Variants in MARCHF10 observed in about 807,000 individuals in gnomAD.
MARCHF10 encodes probable E3 ubiquitin-protein ligase MARCHF10.
A neutral mutation model predicts 76.2 loss-of-function variants in MARCHF10; 64 were observed. That is an observed-to-expected ratio of 0.84 (90% CI 0.69 to 1.03). The LOEUF is 1.03. MARCHF10 is among the 50% of genes least tolerant of loss of function. The pLI is 0.00. For missense variants in MARCHF10, 875 were observed against 958.0 expected, an observed-to-expected ratio of 0.91 and a Z score of 1.14; for synonymous variants, 340 against 357.5, an observed-to-expected ratio of 0.95 and a Z score of 0.55.
chr17:62,724,276 G>A (rs1034175921), intron 7 of MARCHF10, among the ~76,000 whole-genome samples: 5 of 150,078 alleles, frequency 3.3e-5, no homozygotes, highest in African/African-American at 9.9e-5. Context: ...AACTACAGCC[G>A]ACCTACCGAT....
intron 7 of MARCHF10, 34 bp downstream of exon 7, chr17:62,724,904 G>A (rs201531577): frequency 2.8e-4 from 453 of 1,604,758 alleles, no homozygotes; most frequent in South Asian, 8.2e-4. Flanking sequence ...ATTACATGTC[G>A]TGGCACGTTC....
At chr17:62,717,574 C>T (rs983000829) in intron 8 of MARCHF10, among the ~76,000 whole-genome samples, 1 of 152,234 alleles carries the variant, frequency 6.6e-6, no homozygotes, top group Admixed American at 6.5e-5. Context: ...GAGGCCCCGG[C>T]AGGAGACCCG....
chr17:62,790,394 T>G (rs767281496), intron 2 of MARCHF10, among the ~76,000 whole-genome samples: 6 of 152,300 alleles, frequency 3.9e-5, no homozygotes, highest in Non-Finnish European at 7.4e-5. Flanking sequence ...CAGGCTGGTC[T>G]TGAACTCCTG....
chr17:62,744,446 CG>C lies in MARCHF10; in HGVS notation c.464del (p.Pro155ArgfsTer27). ...GTCTGCTTCTGTCCCCAGATGCTCTCGGGCTGTGCGATTCTGGGCTGACTGT... is the reference window on the plus strand; with the variant it reads ...GTCTGCTTCTGTCCCCAGATGCTCTCGGCTGTGCGATTCTGGGCTGACTGT... ...RFTVSPESHS[P>X]RASGDRSRQK... On this transcript the variant is annotated frameshift_variant, in exon 5 of 11. Transcript: ENST00000311269. LOFTEE classifies it high-confidence loss of function. The C allele has an allele frequency of 6.2e-7, 1 of 1,614,182 alleles. No homozygotes were observed. Among genetic ancestry groups the C allele is most frequent in the East Asian group, 2.2e-5 (1 of 44,872 alleles).
intron 8 of MARCHF10, among the ~76,000 whole-genome samples, chr17:62,714,800 C>T (rs1343883425): frequency 6.6e-6 from 1 of 152,046 alleles, no homozygotes; most frequent in Non-Finnish European, 1.5e-5. Flanking sequence ...GGCTGGAGTG[C>T]AATGGTGTGA....
intron 1 of MARCHF10, among the ~76,000 whole-genome samples, chr17:62,804,569 A>C (rs1568237058): frequency 6.6e-6 from 1 of 152,120 alleles, no homozygotes; most frequent in African/African-American, 2.4e-5. Context: ...CATTCATTGG[A>C]GTGACGGGGC....
At chr17:62,804,430 G>A (rs531358381) in intron 1 of MARCHF10, among the ~76,000 whole-genome samples, 4 of 152,242 alleles carry the variant, frequency 2.6e-5, no homozygotes, top group Non-Finnish European at 1.5e-5. Flanking sequence ...AGAACAAGCC[G>A]CTGAAGAGAA....
Position 62,801,659 on chromosome 17 carries a change from T to G in MARCHF10, c.77A>C (p.Asp26Ala), listed in dbSNP as rs1390180420. ...TTCTGCAATTACCTGATACTCAGAG[T>G]CCACCTTATGCTGCATGTCCCGCAG... Reference protein sequence around the residue: ...QYLRDMQHKVDSEYQACLRRQ... With the variant: ...QYLRDMQHKVASEYQACLRRQ... The change falls in exon 2 of 11, where the codon GAC (aspartate) becomes GCC (alanine). Residue 26 changes from aspartate to alanine, a missense_variant. Transcript: ENST00000311269. The G allele has an allele frequency of 6.8e-6, 11 of 1,613,876 alleles. No homozygotes were observed. The Admixed American group carries it at 1.8e-4, about 27-fold the overall frequency.
intron 10 of MARCHF10, among the ~76,000 whole-genome samples, chr17:62,702,620 C>T (rs1053360729): frequency 4.0e-5 from 6 of 151,866 alleles, no homozygotes; most frequent in African/African-American, 7.3e-5. Flanking sequence ...GAGCCGAGAT[C>T]GTGCCACTGC....
rs773122536 is a variant in MARCHF10 at position 62,801,674 on chromosome 17, A to G, written c.62T>C (p.Met21Thr). The change falls in exon 2 of 11, where the codon ATG becomes ACG. Residue 21 changes from methionine to threonine, a missense_variant. By Grantham distance (81) the Met-to-Thr change is moderately conservative. Transcript: ENST00000311269. ...ATACTCAGAGTCCACCTTATGCTGC[A>G]TGTCCCGCAGATACTGAACATCGCT... ...FFSDVQYLRD[M>T]QHKVDSEYQA... is the part of the protein sequence containing the mutation. 3 of 1,614,138 alleles carry G rather than the reference A, an allele frequency of 1.9e-6. No homozygotes were observed. Among genetic ancestry groups the G allele is most frequent in the Non-Finnish European group, 2.5e-6 (3 of 1,180,022 alleles).
rs1001696392 is a variant in MARCHF10 at position 62,711,252 on chromosome 17, G to A, written c.2307C>T (p.His769=). The change falls in exon 9 of 11, where the codon CAC becomes CAT. Residue 769 remains histidine (H), a synonymous_variant. Coordinates refer to ENST00000311269, the MANE Select transcript of MARCHF10 (RefSeq NM_152598.4). The surrounding 1 kb of genome is among the most constrained non-coding windows in gnomAD (Gnocchi z 4.4). ...TTACCCTCTCTCTTTCCACCTGGTT[G>A]TGGTTGAGCCTCATGAGTTCTGCAA... ...QRFAELMRLN[H]NQVERERLSR... 3.7e-6 allele frequency: 6 copies of A among 1,613,860 alleles called. No individual in the cohort carries two copies. Among genetic ancestry groups the A allele is most frequent in the South Asian group, 3.3e-5 (3 of 91,064 alleles).
At chr17:62,752,362 T>C (rs1045207400) in intron 4 of MARCHF10, among the ~76,000 whole-genome samples, 1 of 152,150 alleles carries the variant, frequency 6.6e-6, no homozygotes, top group Non-Finnish European at 1.5e-5. Flanking sequence ...AGTGCTCTGT[T>C]GGGCAGGAGA....
intron 8 of MARCHF10, among the ~76,000 whole-genome samples, chr17:62,715,240 C>T (rs1189516002): frequency 6.6e-6 from 1 of 152,208 alleles, no homozygotes; most frequent in Non-Finnish European, 1.5e-5. Flanking sequence ...TGTGGATGTG[C>T]TCTGGTTGGA....
intron 3 of MARCHF10, among the ~76,000 whole-genome samples, chr17:62,762,894 T>C (rs931805352): frequency 1.3e-5 from 2 of 152,226 alleles, no homozygotes; most frequent in African/African-American, 4.8e-5. Flanking sequence ...GGATCGTCCT[T>C]GAGTGGGAGA....
chr17:62,707,781 A>G (rs2089682907), intron 9 of MARCHF10, among the ~76,000 whole-genome samples: 1 of 152,242 alleles, frequency 6.6e-6, no homozygotes, highest in Non-Finnish European at 1.5e-5. Flanking sequence ...CTTCTAGGAA[A>G]GGAGTGTCTT....
intron 1 of MARCHF10, among the ~76,000 whole-genome samples, chr17:62,802,204 C>G (rs979748659): frequency 6.6e-6 from 1 of 152,116 alleles, no homozygotes; most frequent in Admixed American, 6.6e-5. Context: ...AAAGCAGACA[C>G]GACCCTCATC....
intron 2 of MARCHF10, 96 bp from the exon 3 acceptor site, chr17:62,788,695 G>T: frequency 6.8e-7 from 1 of 1,464,604 alleles, no homozygotes; most frequent in Non-Finnish European, 9.4e-7. Context: ...TGAAATAAAT[G>T]ATATGCATCT....
intron 1 of MARCHF10, among the ~76,000 whole-genome samples, chr17:62,802,222 T>C (rs928701115): frequency 2.0e-5 from 3 of 152,136 alleles, no homozygotes; most frequent in African/African-American, 7.2e-5. Context: ...ATCTTTGCTC[T>C]TTTTTTCTTT....
chr17:62,775,785 T>C (rs1461157760), intron 3 of MARCHF10, among the ~76,000 whole-genome samples: 1 of 151,702 alleles, frequency 6.6e-6, no homozygotes, highest in Non-Finnish European at 1.5e-5. Context: ...AATTTTAAAA[T>C]TTTGATATCT....
Sources: allele counts gnomAD v4.1 joint callset (sites outside exome capture counted in the v4.1 genomes callset), GRCh38; gene constraint gnomAD v4.1.1; non-coding constraint Gnocchi (gnomAD v3.1); transcripts MANE v1.5; gene names NCBI Gene and HGNC (gene_info 2026-07-23, HGNC 2026-07-21).